SGCG: variants seen among roughly 807,000 people sequenced by gnomAD.
SGCG encodes the protein gamma-sarcoglycan.
SGCG carries 26 observed loss-of-function variants against 29.3 expected under a neutral mutation model. The ratio of observed to expected loss-of-function variants is 0.89; its 90% CI spans 0.65 to 1.23. The LOEUF (loss-of-function observed/expected upper bound fraction) is 1.23. Among genes scored for constraint, SGCG ranks in the 50% most tolerant of loss-of-function variants. SGCG has a pLI of 0.00. For missense variants in SGCG, 353 were observed against 356.0 expected (o/e 0.99, Z 0.07); for synonymous variants, 145 against 129.7 (o/e 1.12, Z -0.80).
chr13:23,279,250 C>A, intron 4 of SGCG, 109 bp from the exon 5 acceptor site: 2 of 1,051,018 alleles, frequency 1.9e-6, no homozygotes, highest in South Asian at 1.3e-5. Context: ...TAACAAATAC[C>A]AAGTCTTTAG....
At chr13:23,239,284 A>G (rs1458105387) in intron 3 of SGCG, among the ~76,000 whole-genome samples, 1 of 152,156 alleles carries the variant, frequency 6.6e-6, no homozygotes, top group Non-Finnish European at 1.5e-5. Flanking sequence ...TCAGCCTTCT[A>G]GTCAGTAACA....
At chr13:23,315,640 G>C (rs1303958358) in intron 6 of SGCG, among the ~76,000 whole-genome samples, 1 of 152,216 alleles carries the variant, frequency 6.6e-6, no homozygotes, top group Admixed American at 6.5e-5. Flanking sequence ...CAGTGAAGGG[G>C]AATCTTCCCA....
intron 3 of SGCG, among the ~76,000 whole-genome samples, chr13:23,250,350 T>C (rs565351052): frequency 6.6e-5 from 10 of 152,040 alleles, no homozygotes; most frequent in Admixed American, 6.6e-4. Flanking sequence ...CTCTGTTAAA[T>C]TGCATATTTG....
chr13:23,308,144 G>A (rs550202590), intron 6 of SGCG, among the ~76,000 whole-genome samples: 1 of 152,150 alleles, frequency 6.6e-6, no homozygotes, highest in Non-Finnish European at 1.5e-5. Context: ...ATTTATCCTT[G>A]TAGTATTCTA....
At chr13:23,236,754 A>T (rs1356083093) in intron 3 of SGCG, among the ~76,000 whole-genome samples, 3 of 152,066 alleles carry the variant, frequency 2.0e-5, no homozygotes, top group African/African-American at 7.2e-5. Flanking sequence ...GTATGCTTTT[A>T]AAAAAAGCAA....
chr13:23,249,428 A>G (rs146780652), intron 3 of SGCG, among the ~76,000 whole-genome samples: 1,822 of 152,326 alleles, frequency 0.012, 43 homozygotes, highest in African/African-American at 0.042. Flanking sequence ...TTAAAGCTCA[A>G]AAGAAGCAAA....
chr13:23,299,445 TATATATATA>T (rs1882052716), intron 6 of SGCG, among the ~76,000 whole-genome samples: 7 of 24,762 alleles, frequency 2.8e-4, no homozygotes, highest in Admixed American at 8.7e-4. Context: ...TATATATATA[TATATATATA>T]TATTTTTTTT....
chr13:23,184,552 A>G (rs538052639), intron 1 of SGCG, among the ~76,000 whole-genome samples: 1 of 152,236 alleles, frequency 6.6e-6, no homozygotes, highest in African/African-American at 2.4e-5. Context: ...TCCTTTGTAA[A>G]TAACAGCAAA....
intron 2 of SGCG, among the ~76,000 whole-genome samples, chr13:23,213,477 G>A (rs144878970): frequency 5.9e-5 from 9 of 152,172 alleles, no homozygotes; most frequent in East Asian, 5.8e-4. Flanking sequence ...GTGAGACTCC[G>A]TTTCAAAAAT....
At chr13:23,214,857 A>G (rs926083765) in intron 2 of SGCG, among the ~76,000 whole-genome samples, 1 of 152,234 alleles carries the variant, frequency 6.6e-6, no homozygotes, top group African/African-American at 2.4e-5. Flanking sequence ...AGTGCTTTCC[A>G]GTCCAAAAAT....
the SGCG span, among the ~76,000 whole-genome samples, chr13:23,175,140 G>T: frequency 6.6e-5 from 10 of 152,288 alleles, no homozygotes; most frequent in African/African-American, 2.4e-4. Context: ...GAGAAAGGAG[G>T]AAAGTGCTGC....
At chr13:23,192,276 T>A (rs1419526589) in intron 1 of SGCG, among the ~76,000 whole-genome samples, 1 of 152,208 alleles carries the variant, frequency 6.6e-6, no homozygotes, top group Non-Finnish European at 1.5e-5. Flanking sequence ...TAATAATATG[T>A]AACTCTATCA....
the SGCG span, among the ~76,000 whole-genome samples, chr13:23,164,145 C>T: frequency 6.6e-6 from 1 of 152,136 alleles, no homozygotes; most frequent in African/African-American, 2.4e-5. Context: ...TTGTTTATAA[C>T]TCCCCTTAAT....
chr13:23,300,928 A>C (rs1185824876), intron 6 of SGCG, among the ~76,000 whole-genome samples: 1 of 152,124 alleles, frequency 6.6e-6, no homozygotes, highest in Non-Finnish European at 1.5e-5. Flanking sequence ...ATCCTGGCTA[A>C]CACGGTGAAA....
At chr13:23,249,767 A>G (rs1437849085) in intron 3 of SGCG, among the ~76,000 whole-genome samples, 1 of 152,216 alleles carries the variant, frequency 6.6e-6, no homozygotes, top group Non-Finnish European at 1.5e-5. Context: ...GCATTCATAT[A>G]GACAAAAATT....
chr13:23,198,077 TCAGA>T (rs1877582602), intron 1 of SGCG, among the ~76,000 whole-genome samples: 1 of 152,232 alleles, frequency 6.6e-6, no homozygotes, highest in Non-Finnish European at 1.5e-5. Flanking sequence ...AAAGTCAGTA[TCAGA>T]CAGATAACTT....
chr13:23,219,280 C>A (rs189222367), intron 2 of SGCG, among the ~76,000 whole-genome samples: 1 of 152,064 alleles, frequency 6.6e-6, no homozygotes, highest in African/African-American at 2.4e-5. Flanking sequence ...ATCTCCTGAC[C>A]TCCTGATATG....
intron 2 of SGCG, among the ~76,000 whole-genome samples, chr13:23,211,943 G>C (rs1878235546): frequency 6.6e-6 from 1 of 152,126 alleles, no homozygotes; most frequent in African/African-American, 2.4e-5. Context: ...GAGGTGATTG[G>C]ATCATGGGGG....
chr13:23,204,693 C>T (rs1158427469), intron 2 of SGCG, among the ~76,000 whole-genome samples: 1 of 138,598 alleles, frequency 7.2e-6, no homozygotes, highest in Non-Finnish European at 1.6e-5. Context: ...CTCTTTCTCT[C>T]TTTCTTTCTT....
Sources: allele counts gnomAD v4.1 joint callset (sites outside exome capture counted in the v4.1 genomes callset), GRCh38; gene constraint gnomAD v4.1.1; transcripts MANE v1.5; gene names NCBI Gene and HGNC (gene_info 2026-07-23, HGNC 2026-07-21).